Variants in RIC1 observed in about 807,000 individuals in gnomAD.
RIC1 encodes RIC1 partner of RAB6A GEF complex.
RIC1 carries 88 observed loss-of-function variants against 169.0 expected under a neutral mutation model. That is an observed-to-expected ratio of 0.52 (90% CI 0.44 to 0.62). The LOEUF (loss-of-function observed/expected upper bound fraction) is 0.62, where lower values mean the gene tolerates loss of function less well. Among genes scored for constraint, RIC1 ranks in the 20% least tolerant of loss-of-function variants. The pLI is 0.00. For missense variants in RIC1, 1,877 were observed against 1,725.5 expected (o/e 1.09, Z -1.56); for synonymous variants, 790 against 601.5 (o/e 1.31, Z -4.59).
chr9:5,751,384 C>A lies in RIC1; in HGVS notation c.1453-1816C>A, dbSNP rs558880165. Among the ~76,000 whole-genome samples, 34 of 151,920 alleles carry A rather than the reference C, an allele frequency of 2.2e-4. 2 individuals are homozygous for A. The highest frequency in any genetic ancestry group is 8.0e-4 in the African/African-American group (33 of 41,252). ...GGTCTGGGGGGCAGGGAGACAGAGT[C>A]TCACTCTGTTGCCCAGGCTGGAGTG... On this transcript the variant is annotated intron_variant, in intron 12 of 25. Coordinates refer to ENST00000414202, the MANE Select transcript of RIC1 (RefSeq NM_020829.4).
At chr9:5,705,454 C>G (rs904781103) in intron 3 of RIC1, among the ~76,000 whole-genome samples, 1 of 151,902 alleles carries the variant, frequency 6.6e-6, no homozygotes, top group Admixed American at 6.6e-5. Context: ...TTATTGCTAG[C>G]GTAGAGAAAT....
At chr9:5,672,350 T>C (rs1820156626) in intron 2 of RIC1, among the ~76,000 whole-genome samples, 1 of 152,160 alleles carries the variant, frequency 6.6e-6, no homozygotes, top group Admixed American at 6.5e-5. Flanking sequence ...GACAGAAGAA[T>C]GTAGTAAATT....
chr9:5,745,311 A>G (rs1194695629), intron 10 of RIC1, among the ~76,000 whole-genome samples: 3 of 152,194 alleles, frequency 2.0e-5, no homozygotes, highest in Admixed American at 6.5e-5. Flanking sequence ...GAGAATCACT[A>G]ATCTTTAAAA....
intron 2 of RIC1, among the ~76,000 whole-genome samples, chr9:5,660,722 A>G (rs539505221): frequency 7.5e-4 from 114 of 152,072 alleles, no homozygotes; most frequent in Non-Finnish European, 1.6e-3. Context: ...TAAGTTATTA[A>G]GTTCATTGTA....
intron 13 of RIC1, 55 bp downstream of exon 13, chr9:5,753,293 G>A (rs1825826407): frequency 6.6e-7 from 1 of 1,510,760 alleles, no homozygotes; most frequent in Non-Finnish European, 9.2e-7. Flanking sequence ...TGCTGCAAGA[G>A]GCATTCTGGG....
intron 1 of RIC1, among the ~76,000 whole-genome samples, chr9:5,643,079 C>A: frequency 6.6e-6 from 1 of 152,012 alleles, no homozygotes; most frequent in East Asian, 1.9e-4. Flanking sequence ...GTGGGAGGAT[C>A]ACTTGAGCCC....
chr9:5,689,088 G>A (rs774603467), intron 2 of RIC1, among the ~76,000 whole-genome samples: 16 of 114,588 alleles, frequency 1.4e-4, no homozygotes, highest in Admixed American at 6.5e-4. Context: ...TCGCTCTGTC[G>A]CCCAGCGGGG....
intron 1 of RIC1, among the ~76,000 whole-genome samples, chr9:5,641,752 G>A (rs1039947931): frequency 1.4e-5 from 2 of 138,644 alleles, no homozygotes; most frequent in Admixed American, 7.0e-5. Flanking sequence ...TTCAACTTTA[G>A]AATTGCTGCT....
intron 5 of RIC1, 60 bp from the exon 6 acceptor site, chr9:5,720,554 A>C (rs913839667): frequency 6.8e-7 from 1 of 1,480,308 alleles, no homozygotes; most frequent in Non-Finnish European, 9.1e-7. Context: ...TCTGGCAAAA[A>C]GTGAGAGAGT....
chr9:5,757,416 A>G lies in RIC1; in HGVS notation c.1957A>G (p.Thr653Ala). Residue 653 changes from threonine to alanine, a missense_variant, in exon 17 of 26, where the codon ACA (threonine) becomes GCA (alanine). By Grantham distance (58) the Thr-to-Ala change is moderately conservative. Transcript: ENST00000414202. ...VVSVTLTSVS[T>A]ENGITLKMPQ... The stretch of plus-strand genomic sequence containing the variant: ...ATCTGTCACTCTGACATCAGTGAGT[A>G]CAGAGAATGGAATCACCTTGAAAAT... The G allele has an allele frequency of 6.2e-7, 1 of 1,613,974 alleles. No individual in the cohort carries two copies. Among genetic ancestry groups the G allele is most frequent in the Non-Finnish European group, 8.5e-7 (1 of 1,179,844 alleles).
chr9:5,735,438 A>G (rs974661079), intron 7 of RIC1, among the ~76,000 whole-genome samples: 1 of 152,210 alleles, frequency 6.6e-6, no homozygotes, highest in Non-Finnish European at 1.5e-5. Flanking sequence ...TCCCTAGGCT[A>G]TGGGCTTATA....
At chr9:5,744,135 G>C (rs893788895) in intron 10 of RIC1, among the ~76,000 whole-genome samples, 21 of 151,900 alleles carry the variant, frequency 1.4e-4, no homozygotes, top group African/African-American at 4.1e-4. Context: ...TAATTGGAAG[G>C]CTGCCTGGTT....
At chr9:5,677,997 C>G (rs563440203) in intron 2 of RIC1, among the ~76,000 whole-genome samples, 1 of 151,998 alleles carries the variant, frequency 6.6e-6, no homozygotes, top group African/African-American at 2.4e-5. Context: ...TCCCTCCCCC[C>G]TGCCCCCACC....
chr9:5,734,262 A>G (rs570668265), intron 7 of RIC1, among the ~76,000 whole-genome samples: 2 of 151,896 alleles, frequency 1.3e-5, no homozygotes, highest in South Asian at 4.2e-4. Context: ...ATGCACCACC[A>G]TGCCCGGCTA....
chr9:5,629,993 C>T (rs906551214), intron 1 of RIC1, among the ~76,000 whole-genome samples: 5 of 152,186 alleles, frequency 3.3e-5, no homozygotes, highest in African/African-American at 7.2e-5. Context: ...ATTTAACTCC[C>T]CTCTTTAACC....
chr9:5,650,680 G>C (rs1048566802), intron 1 of RIC1, among the ~76,000 whole-genome samples: 31 of 152,028 alleles, frequency 2.0e-4, no homozygotes, highest in Non-Finnish European at 1.0e-4. Context: ...GTGGAGATGG[G>C]GTTACTGTCA....
At chr9:5,631,483 C>T (rs1367241781) in intron 1 of RIC1, among the ~76,000 whole-genome samples, 2 of 151,934 alleles carry the variant, frequency 1.3e-5, no homozygotes, top group Non-Finnish European at 1.5e-5. Flanking sequence ...GTCAAGAGAT[C>T]GAGACCATCC....
At position 5,765,788 on chromosome 9, in the gene RIC1, T is replaced by C; in HGVS notation, c.3127T>C (p.Ser1043Pro). 2 of 1,613,974 alleles carry C rather than the reference T, an allele frequency of 1.2e-6. No individual in the cohort carries two copies. Among genetic ancestry groups the C allele is most frequent in the Non-Finnish European group, 1.7e-6 (2 of 1,179,952 alleles). Residue 1043 changes from serine (S) to proline (P), a missense_variant, in exon 21 of 26, where the codon TCT (serine) becomes CCT (proline). Physicochemically the swap from Ser to Pro is moderately conservative, Grantham distance 74 (BLOSUM62 -1). This residue lies in a region of RIC1 where 681 missense variants were observed against 582.0 expected (regional missense o/e 1.17). Coordinates refer to ENST00000414202, the MANE Select transcript of RIC1 (RefSeq NM_020829.4). ...AACACTAAGTATGCCATCTGGTCCC[T>C]CTGGAAAAAGGTAAAATAATAAAGA... Reference protein sequence around the residue: ...QKTLSMPSGPSGKRWSKDSDC... With the variant: ...QKTLSMPSGPPGKRWSKDSDC...
intron 2 of RIC1, among the ~76,000 whole-genome samples, chr9:5,682,667 G>A (rs575402002): frequency 2.0e-5 from 3 of 152,164 alleles, no homozygotes; most frequent in East Asian, 1.9e-4. Flanking sequence ...GAGTATCTTT[G>A]TGGCGTTCTC....
Sources: allele counts gnomAD v4.1 joint callset (sites outside exome capture counted in the v4.1 genomes callset), GRCh38; gene constraint gnomAD v4.1.1; regional missense constraint gnomAD v4.1.1; transcripts MANE v1.5; gene names NCBI Gene and HGNC (gene_info 2026-07-23, HGNC 2026-07-21).